DCC: variants seen among roughly 807,000 people sequenced by gnomAD.
The protein encoded by DCC is netrin receptor DCC.
In DCC, 58 loss-of-function variants were observed where a neutral mutation model predicts 172.5. The observed-to-expected ratio is 0.34, with a 90% CI of 0.27 to 0.42. The LOEUF is 0.42. Among genes scored for constraint, DCC ranks in the 10% least tolerant of loss-of-function variants. The pLI is 1.00. For synonymous variants in DCC, 709 were observed against 644.5 expected (o/e 1.10, Z -1.52); for missense variants, 1,740 against 1,791.0 (o/e 0.97, Z 0.51).
chr18:52,847,558 A>C (rs1449908222), intron 2 of DCC, among the ~76,000 whole-genome samples: 1 of 152,218 alleles, frequency 6.6e-6, no homozygotes, highest in Admixed American at 6.5e-5. Flanking sequence ...TGCTAGCCAA[A>C]CGACGGTTCT....
At position 53,456,557 on chromosome 18, in the gene DCC, T is replaced by C. The variant is rs142972987; in HGVS notation, c.3393-2675T>C. 5.5e-3 allele frequency among the ~76,000 whole-genome samples: 837 copies of C among 152,350 alleles called. 4 individuals carry two copies. The highest frequency in any genetic ancestry group is 9.2e-3 in the Non-Finnish European group (626 of 68,032). On this transcript the variant is annotated intron_variant, in intron 23 of 28. Transcript: ENST00000442544. Reference sequence around the variant, plus strand: ...AACAAAACCAAATAATTCACTATGATAGTGCTTCTTAAATTTTAGACAGAT... The same window carrying C: ...AACAAAACCAAATAATTCACTATGACAGTGCTTCTTAAATTTTAGACAGAT...
intron 17 of DCC, among the ~76,000 whole-genome samples, chr18:53,392,337 T>G (rs2145010791): frequency 6.6e-6 from 1 of 152,258 alleles, no homozygotes; most frequent in South Asian, 2.1e-4. Context: ...TGAAGATATT[T>G]TTTTGTAACC....
intron 2 of DCC, among the ~76,000 whole-genome samples, chr18:52,818,433 A>T (rs956041817): frequency 6.6e-6 from 1 of 151,532 alleles, no homozygotes; most frequent in African/African-American, 2.4e-5. Context: ...AAAAAAAAAA[A>T]AAAAAATTTA....
At chr18:52,416,313 T>C (rs1246620640) in intron 1 of DCC, among the ~76,000 whole-genome samples, 1 of 151,898 alleles carries the variant, frequency 6.6e-6, no homozygotes, top group Non-Finnish European at 1.5e-5. Context: ...AATTTTGGAA[T>C]AGGTGTGGTG....
intron 1 of DCC, among the ~76,000 whole-genome samples, chr18:52,728,560 A>T (rs1387885783): frequency 6.6e-6 from 1 of 152,214 alleles, no homozygotes; most frequent in East Asian, 1.9e-4. Context: ...ATGAGAGATC[A>T]TTTCCTCAAC....
intron 2 of DCC, among the ~76,000 whole-genome samples, chr18:52,870,335 C>T (rs1243794646): frequency 2.6e-5 from 4 of 152,166 alleles, no homozygotes; most frequent in African/African-American, 4.8e-5. Flanking sequence ...AGTGCCATTT[C>T]TGCTCCTGCA....
intron 2 of DCC, among the ~76,000 whole-genome samples, chr18:52,864,417 C>A (rs1414299665): frequency 6.6e-6 from 1 of 152,168 alleles, no homozygotes; most frequent in Non-Finnish European, 1.5e-5. Flanking sequence ...AGTTCAGAAA[C>A]CTTCACAAAA....
intron 2 of DCC, among the ~76,000 whole-genome samples, chr18:52,855,716 G>A (rs1466086863): frequency 2.0e-5 from 3 of 151,674 alleles, no homozygotes; most frequent in Non-Finnish European, 1.5e-5. Flanking sequence ...CTGCCCAAAT[G>A]GTCATAAGGA....
intron 5 of DCC, among the ~76,000 whole-genome samples, chr18:53,039,711 C>T (rs1438714952): frequency 1.3e-5 from 2 of 151,924 alleles, no homozygotes; most frequent in African/African-American, 4.8e-5. Flanking sequence ...GTCATTATGT[C>T]ACCTCTTTCT....
At chr18:52,468,226 A>G (rs1172968638) in intron 1 of DCC, among the ~76,000 whole-genome samples, 1 of 152,230 alleles carries the variant, frequency 6.6e-6, no homozygotes, top group African/African-American at 2.4e-5. Context: ...ATGTCAAGAT[A>G]AAACAGAATA....
At chr18:53,012,126 C>T (rs1483679640) in intron 5 of DCC, among the ~76,000 whole-genome samples, 1 of 151,866 alleles carries the variant, frequency 6.6e-6, no homozygotes, top group Non-Finnish European at 1.5e-5. Context: ...CTTTGGAAAA[C>T]TCTTTGACAA....
At chr18:52,576,037 T>C (rs2033402314) in intron 1 of DCC, among the ~76,000 whole-genome samples, 1 of 152,242 alleles carries the variant, frequency 6.6e-6, no homozygotes, top group Non-Finnish European at 1.5e-5. Context: ...TGGCGTCTAC[T>C]GTTTACAAGT....
rs189613348 is a variant in DCC at position 53,182,451 on chromosome 18, A to G, written c.1573+3335A>G. 7.2e-5 allele frequency among the ~76,000 whole-genome samples: 11 copies of G among 152,298 alleles called. No homozygotes were observed. The East Asian group carries it at 7.7e-4, about 11-fold the overall frequency. ...GGATAATTCCTCCCTTACTGAGTAG[A>G]TAAGTAGTTAGGAATAAAGTAGCCT... On this transcript the variant is annotated intron_variant, in intron 9 of 28. Transcript: ENST00000442544.
intron 2 of DCC, among the ~76,000 whole-genome samples, chr18:52,896,401 A>G (rs1372005416): frequency 2.0e-5 from 3 of 152,186 alleles, no homozygotes; most frequent in Non-Finnish European, 4.4e-5. Flanking sequence ...GACCTCTTTC[A>G]GTCACCAAAG....
At chr18:52,458,226 A>G (rs1321783135) in intron 1 of DCC, among the ~76,000 whole-genome samples, 1 of 152,146 alleles carries the variant, frequency 6.6e-6, no homozygotes, top group Non-Finnish European at 1.5e-5. Flanking sequence ...ACACGGCTGC[A>G]GGGGCTGCCC....
chr18:53,245,436 C>T (rs2056354234), intron 12 of DCC, among the ~76,000 whole-genome samples: 1 of 152,076 alleles, frequency 6.6e-6, no homozygotes, highest in African/African-American at 2.4e-5. Flanking sequence ...CATCACCTGC[C>T]CTACAGAGTT....
chr18:52,483,044 T>C (rs2030033810), intron 1 of DCC, among the ~76,000 whole-genome samples: 1 of 152,140 alleles, frequency 6.6e-6, no homozygotes. Flanking sequence ...CCTTTGCCTC[T>C]TCCAGCTTTT....
intron 5 of DCC, among the ~76,000 whole-genome samples, chr18:52,928,819 T>C (rs1296097421): frequency 1.3e-5 from 2 of 152,096 alleles, no homozygotes; most frequent in Non-Finnish European, 2.9e-5. Context: ...TTGACCATGG[T>C]TTGCATCTGC....
At chr18:53,008,057 A>T (rs2041671713) in intron 5 of DCC, among the ~76,000 whole-genome samples, 1 of 152,174 alleles carries the variant, frequency 6.6e-6, no homozygotes. Flanking sequence ...AAGCAACACC[A>T]GAATTTGTGC....
Sources: gnomAD v4.1 joint callset for allele counts (sites outside exome capture counted in the v4.1 genomes callset) on GRCh38, gnomAD v4.1.1 for gene constraint, MANE v1.5 for transcripts, NCBI Gene and HGNC (gene_info 2026-07-23, HGNC 2026-07-21) for gene names.